The following NCOA2 variants were observed in gnomAD, a reference collection of about 807,000 sequenced individuals.
NCOA2 encodes class E basic helix-loop-helix protein 75.
Under a neutral mutation model 145.1 loss-of-function variants are expected in NCOA2, and 21 were observed. The ratio of observed to expected loss-of-function variants is 0.14; its 90% confidence interval spans 0.10 to 0.21. The LOEUF is 0.21. Among genes scored for constraint, NCOA2 ranks in the 10% least tolerant of loss-of-function variants. The pLI, the probability that NCOA2 is intolerant of heterozygous loss-of-function variation, is 1.00. For missense variants in NCOA2, 1,472 were observed against 1,837.6 expected (o/e 0.80, Z 3.64); for synonymous variants, 619 against 637.5 (o/e 0.97, Z 0.44).
chr8:70,139,564 G>C (rs954484961), intron 14 of NCOA2, among the ~76,000 whole-genome samples: 2 of 148,944 alleles, frequency 1.3e-5, no homozygotes, highest in Non-Finnish European at 3.0e-5. Flanking sequence ...AAAATATGCT[G>C]AACAATTAAA....
intron 4 of NCOA2, among the ~76,000 whole-genome samples, chr8:70,199,769 A>G (rs573284754): frequency 6.6e-6 from 1 of 152,286 alleles, no homozygotes; most frequent in African/African-American, 2.4e-5. Context: ...CCATCTCCCT[A>G]TTCACTCCTC....
At chr8:70,309,687 G>A (rs1828157669) in intron 1 of NCOA2, among the ~76,000 whole-genome samples, 1 of 152,012 alleles carries the variant, frequency 6.6e-6, no homozygotes, top group African/African-American at 2.4e-5. Flanking sequence ...GCAGTAGCAA[G>A]CACCTGTAAT....
At chr8:70,187,228 A>G (rs1469910486) in intron 4 of NCOA2, among the ~76,000 whole-genome samples, 2 of 152,204 alleles carry the variant, frequency 1.3e-5, no homozygotes, top group African/African-American at 4.8e-5. Context: ...TTGCATGCTG[A>G]GGTCAAAGTG....
chr8:70,133,915 G>T (rs903186993), intron 15 of NCOA2, among the ~76,000 whole-genome samples: 2 of 152,144 alleles, frequency 1.3e-5, no homozygotes, highest in African/African-American at 4.8e-5. Flanking sequence ...TAGTAACTTG[G>T]AAATTGTCCA....
chr8:70,204,013 G>A (rs1818187893), intron 4 of NCOA2, among the ~76,000 whole-genome samples: 2 of 151,672 alleles, frequency 1.3e-5, no homozygotes, highest in African/African-American at 4.8e-5. Context: ...CTTTTCATAG[G>A]ATTCTTTTTT....
chr8:70,166,694 C>A lies in NCOA2; in HGVS notation c.602G>T (p.Arg201Leu). The A allele has an allele frequency of 6.2e-7, 1 of 1,613,950 alleles. No homozygotes were observed. Among genetic ancestry groups the A allele is most frequent in the Non-Finnish European group, 8.5e-7 (1 of 1,179,880 alleles). ...PRRNSHTFNC[R>L]MLVKPLPDSE... ...ATCAGGTAAAGGTTTTACCAGCATC[C>A]GACAATTGAAGGTATGGCTGTTCCG... is the stretch of plus-strand genomic sequence containing the variant. The change falls in exon 7 of 23, where the codon CGG becomes CTG. Residue 201 changes from arginine (R) to leucine (L), a missense_variant. This residue lies in a region of NCOA2 where 284 missense variants were observed against 467.8 expected (regional missense o/e 0.61). Transcript: ENST00000452400.
chr8:70,396,669 G>C (rs961625690), intron 1 of NCOA2, among the ~76,000 whole-genome samples: 1 of 152,148 alleles, frequency 6.6e-6, no homozygotes, highest in Non-Finnish European at 1.5e-5. Context: ...AAAAAAGCTA[G>C]AGACTATTCA....
intron 4 of NCOA2, among the ~76,000 whole-genome samples, chr8:70,199,250 C>T (rs944773029): frequency 3.3e-5 from 5 of 151,788 alleles, no homozygotes; most frequent in Admixed American, 1.3e-4. Flanking sequence ...GAGTTCGAGG[C>T]CAGCCTGGCC....
chr8:70,342,822 T>C (rs1199558554), intron 1 of NCOA2, among the ~76,000 whole-genome samples: 19 of 108,432 alleles, frequency 1.8e-4, no homozygotes, highest in South Asian at 5.9e-4. Flanking sequence ...CACACACACA[T>C]CCCTACATGG....
intron 2 of NCOA2, among the ~76,000 whole-genome samples, chr8:70,291,431 A>C (rs983436263): frequency 1.3e-5 from 2 of 152,238 alleles, no homozygotes; most frequent in African/African-American, 4.8e-5. Context: ...AATTTAAAAA[A>C]AGTTGCTCCC....
At chr8:70,139,134 G>A (rs555487367) in intron 14 of NCOA2, among the ~76,000 whole-genome samples, 4 of 152,340 alleles carry the variant, frequency 2.6e-5, no homozygotes, top group South Asian at 4.2e-4. Context: ...GAAGTTCTTC[G>A]AAAGGCTTTA....
At chr8:70,173,216 A>G (rs998800051) in intron 5 of NCOA2, among the ~76,000 whole-genome samples, 2 of 152,320 alleles carry the variant, frequency 1.3e-5, no homozygotes, top group Middle Eastern at 6.8e-3. Flanking sequence ...GATTTCTACA[A>G]TTAATGAACT....
intron 2 of NCOA2, among the ~76,000 whole-genome samples, chr8:70,226,711 T>C (rs907482923): frequency 6.6e-6 from 1 of 150,794 alleles, no homozygotes; most frequent in African/African-American, 2.4e-5. Context: ...GGTAAACTTA[T>C]ATTTATCCTA....
At chr8:70,162,058 T>A (rs2132406501) in intron 9 of NCOA2, among the ~76,000 whole-genome samples, 1 of 152,260 alleles carries the variant, frequency 6.6e-6, no homozygotes, top group Non-Finnish European at 1.5e-5. Flanking sequence ...TGCCTGAACC[T>A]CCTCGTCCCC....
intron 1 of NCOA2, among the ~76,000 whole-genome samples, chr8:70,356,108 C>T (rs1285438532): frequency 4.6e-5 from 7 of 152,106 alleles, no homozygotes; most frequent in African/African-American, 1.7e-4. Context: ...TACCTGCCAT[C>T]TTAGAATTTA....
chr8:70,133,200 C>CTTTTTTTTTTTTTTTTT (rs57813061), intron 15 of NCOA2, among the ~76,000 whole-genome samples: 4 of 106,970 alleles, frequency 3.7e-5, no homozygotes, highest in African/African-American at 1.2e-4. Context: ...CTGGCTGCTA[C>CTTTTTTTTTTTTTTTTT]TTTTTTTTTT....
At chr8:70,227,886 C>T (rs1186799012) in intron 2 of NCOA2, among the ~76,000 whole-genome samples, 6 of 151,406 alleles carry the variant, frequency 4.0e-5, no homozygotes, top group African/African-American at 1.2e-4. Context: ...CATGATTGCA[C>T]GCACTTGTAA....
rs1194612744 is a variant in NCOA2 at position 70,130,603 on chromosome 8, A to C, written c.3324+1234T>G. Reference sequence around the variant, plus strand: ...CATTTCTTTCCATTCTGCTGTTTTCAATATGAATTGGTAAGTCACAACTCC... The same window carrying C: ...CATTTCTTTCCATTCTGCTGTTTTCCATATGAATTGGTAAGTCACAACTCC... On this transcript the variant is annotated intron_variant, in intron 16 of 22. Transcript: ENST00000452400. Among the ~76,000 whole-genome samples, 3 of 152,198 alleles carry C rather than the reference A, an allele frequency of 2.0e-5. No individual in the cohort carries two copies. The East Asian group carries it at 5.8e-4, about 29-fold the overall frequency.
rs377034853 is a variant in NCOA2, at chr8:70,131,087, G to A, written c.3324+750C>T. Among the ~76,000 whole-genome samples the A allele has an allele frequency of 4.6e-5, 7 of 152,064 alleles. No individual in the cohort carries two copies. The East Asian group carries it at 1.2e-3, about 25-fold the overall frequency. ...TTAACTTTTTTATATTCCCATTTAC[G>A]CTTAAACATCCCCAAAATTATGGTG... On this transcript the variant is annotated intron_variant, in intron 16 of 22. Coordinates refer to ENST00000452400, the MANE Select transcript of NCOA2 (RefSeq NM_006540.4).
Sources: allele counts gnomAD v4.1 joint callset (sites outside exome capture counted in the v4.1 genomes callset), GRCh38; gene constraint gnomAD v4.1.1; regional missense constraint gnomAD v4.1.1; transcripts MANE v1.5; gene names NCBI Gene and HGNC (gene_info 2026-07-23, HGNC 2026-07-21).